The following TLK2 variants were observed in gnomAD, a reference collection of about 807,000 sequenced individuals.
TLK2 encodes tousled like kinase 2.
Under a neutral mutation model 117.3 loss-of-function variants are expected in TLK2, and 6 were observed. That is an observed-to-expected ratio of 0.05 (90% CI 0.03 to 0.10). The LOEUF is 0.10. Among genes scored for constraint, TLK2 ranks in the 10% least tolerant of loss-of-function variants. The pLI is 1.00. For synonymous variants in TLK2, 257 were observed against 316.7 expected (o/e 0.81, Z 2.00); for missense variants, 299 against 901.2 (o/e 0.33, Z 8.56).
In TLK2 at chr17:62,543,349, C is replaced by T. The variant is rs571246549; in HGVS notation, c.531+7012C>T. On this transcript the variant is annotated intron_variant, in intron 7 of 21. Coordinates refer to ENST00000346027, the MANE Select transcript of TLK2 (RefSeq NM_006852.6). ...AAGACTTTGTGTAGACATACGTTTTCGTTTCTTTTGGATATATGCTGGAGA... is the reference window on the plus strand; with the variant it reads ...AAGACTTTGTGTAGACATACGTTTTTGTTTCTTTTGGATATATGCTGGAGA... 6.6e-5 allele frequency among the ~76,000 whole-genome samples: 10 copies of T among 152,202 alleles called. No homozygotes were observed. In the South Asian group the frequency reaches 2.1e-3, roughly 32 times the overall value.
At chr17:62,604,691 A>G (rs1156624496) in intron 19 of TLK2, among the ~76,000 whole-genome samples, 3 of 151,566 alleles carry the variant, frequency 2.0e-5, no homozygotes, top group African/African-American at 7.3e-5. Context: ...CGGGCGGATC[A>G]TGAGGTCAAG....
At chr17:62,522,417 A>G (rs562505270) in intron 4 of TLK2, 144 bp downstream of exon 4, 4 of 922,824 alleles carry the variant, frequency 4.3e-6, no homozygotes, top group Admixed American at 5.7e-5. Flanking sequence ...CAGACTGTTT[A>G]TTACAGACTT....
At chr17:62,524,360 C>T (rs776701695) in intron 6 of TLK2, 29 bp downstream of exon 6, 23 of 1,593,202 alleles carry the variant, frequency 1.4e-5, no homozygotes, top group Non-Finnish European at 1.9e-5. Flanking sequence ...AAATTTGACA[C>T]CTGTTGTAGG....
intron 1 of TLK2, among the ~76,000 whole-genome samples, chr17:62,472,460 C>T (rs1473472649): frequency 1.3e-5 from 2 of 151,382 alleles, no homozygotes; most frequent in African/African-American, 4.9e-5. Flanking sequence ...GGAGGCTGGC[C>T]GGGCACGGTG....
chr17:62,577,143 A>G (rs760608118), intron 13 of TLK2, among the ~76,000 whole-genome samples: 4 of 151,804 alleles, frequency 2.6e-5, no homozygotes, highest in Non-Finnish European at 5.9e-5. Context: ...TTGTATTTTT[A>G]GTAGAGACGG....
At chr17:62,484,098 A>G (rs1238590731) in intron 2 of TLK2, among the ~76,000 whole-genome samples, 1 of 152,088 alleles carries the variant, frequency 6.6e-6, no homozygotes, top group Admixed American at 6.6e-5. Context: ...CTGGGATTAT[A>G]GGTGTGAGCC....
At chr17:62,608,921 C>T (rs1272389050) in intron 21 of TLK2, among the ~76,000 whole-genome samples, 1 of 152,186 alleles carries the variant, frequency 6.6e-6, no homozygotes, top group Non-Finnish European at 1.5e-5. Flanking sequence ...CTCATCCTTG[C>T]CACATCTGTA....
intron 11 of TLK2, among the ~76,000 whole-genome samples, chr17:62,569,675 C>T (rs1370875011): frequency 2.0e-5 from 3 of 151,986 alleles, no homozygotes; most frequent in Non-Finnish European, 4.4e-5. Flanking sequence ...GATCCGCCCA[C>T]CTTGGCCTCC....
At chr17:62,563,478 T>G (rs2079465587) in intron 10 of TLK2, among the ~76,000 whole-genome samples, 2 of 151,864 alleles carry the variant, frequency 1.3e-5, no homozygotes, top group African/African-American at 4.8e-5. Flanking sequence ...TTCACTAAAA[T>G]AAATCAAGGG....
At chr17:62,591,304 G>A (rs779542882) in intron 16 of TLK2, among the ~76,000 whole-genome samples, 1 of 151,276 alleles carries the variant, frequency 6.6e-6, no homozygotes, top group Non-Finnish European at 1.5e-5. Context: ...AAAATATGAA[G>A]AAAAGTGCTC....
intron 16 of TLK2, among the ~76,000 whole-genome samples, chr17:62,595,549 C>A (rs1178869635): frequency 6.6e-6 from 1 of 151,504 alleles, no homozygotes; most frequent in Non-Finnish European, 1.5e-5. Context: ...GAATTTTTCA[C>A]CTCTGTTGTA....
intron 2 of TLK2, among the ~76,000 whole-genome samples, chr17:62,487,075 C>T (rs1868771): frequency 0.045 from 6,882 of 152,238 alleles, 165 homozygotes; most frequent in Middle Eastern, 0.11. Context: ...AGGCAGATCA[C>T]GAGGTCAGGA....
At chr17:62,564,963 T>C (rs748576173) in intron 10 of TLK2, 38 bp from the exon 11 acceptor site, 2 of 1,583,272 alleles carry the variant, frequency 1.3e-6, no homozygotes, top group Admixed American at 2.0e-5. Context: ...TCCATGCTAA[T>C]TGGTATTGAA....
chr17:62,559,828 T>C (rs1235714875), intron 9 of TLK2, among the ~76,000 whole-genome samples, 188 bp from the exon 10 acceptor site: 3 of 152,198 alleles, frequency 2.0e-5, no homozygotes, highest in South Asian at 4.1e-4. Context: ...ATAGATGATA[T>C]GTTATGAGAG....
At chr17:62,473,226 C>G (rs1480466166) in intron 1 of TLK2, among the ~76,000 whole-genome samples, 1 of 152,142 alleles carries the variant, frequency 6.6e-6, no homozygotes, top group African/African-American at 2.4e-5. Context: ...CCAGCCCAAG[C>G]TCTACTCTGA....
At chr17:62,478,711 C>T (rs1334955464), upstream of TLK2, among the ~76,000 whole-genome samples, 2 of 125,078 alleles carry the variant, frequency 1.6e-5, no homozygotes, top group Non-Finnish European at 3.5e-5. Context: ...TCGTCCCCTC[C>T]CCCTGCTCCC....
At chr17:62,562,073 A>G (rs1302022917) in intron 10 of TLK2, among the ~76,000 whole-genome samples, 1 of 152,224 alleles carries the variant, frequency 6.6e-6, no homozygotes, top group Non-Finnish European at 1.5e-5. Flanking sequence ...AAAGCAGCAT[A>G]AATGGACTGG....
chr17:62,602,228 G>A (rs774641977), intron 19 of TLK2, 48 bp downstream of exon 19: 19 of 1,589,712 alleles, frequency 1.2e-5, no homozygotes, highest in Non-Finnish European at 1.5e-5. Context: ...ATGTGGCTCT[G>A]CTATGCTGAA....
intron 2 of TLK2, among the ~76,000 whole-genome samples, chr17:62,511,347 A>G (rs1218392048): frequency 6.6e-6 from 1 of 152,146 alleles, no homozygotes; most frequent in African/African-American, 2.4e-5. Flanking sequence ...TTCATAATTA[A>G]TATATATAAA....
Sources: allele counts gnomAD v4.1 joint callset (sites outside exome capture counted in the v4.1 genomes callset), GRCh38; gene constraint gnomAD v4.1.1; transcripts MANE v1.5; gene names NCBI Gene and HGNC (gene_info 2026-07-23, HGNC 2026-07-21).